POU5F1: variants seen among roughly 807,000 people sequenced by gnomAD.
The protein encoded by POU5F1 is POU domain, class 5, transcription factor 1.
Under a neutral mutation model 38.3 loss-of-function variants are expected in POU5F1, and 6 were observed. The ratio of observed to expected loss-of-function variants is 0.16; its 90% CI spans 0.09 to 0.31. The LOEUF is 0.31. Ranked by LOEUF, POU5F1 falls within the 10% of genes least tolerant of loss-of-function variation. POU5F1 has a pLI of 1.00. For synonymous variants in POU5F1, 147 were observed against 194.9 expected (o/e 0.75, Z 2.05); for missense variants, 286 against 462.6 (o/e 0.62, Z 3.50).
intron 1 of POU5F1, chr6:31,166,470 C>T (rs1021109193): frequency 7.9e-6 from 10 of 1,266,310 alleles, no homozygotes; most frequent in Non-Finnish European, 1.0e-5. Flanking sequence ...ACCAGCATGG[C>T]CAACATGGTG....
chr6:31,165,325 G>A lies in POU5F1; in HGVS notation c.658-39C>T, dbSNP rs1261670587. 3.1e-6 allele frequency: 5 copies of A among 1,598,582 alleles called. No individual in the cohort carries two copies. The highest frequency in any genetic ancestry group is 2.2e-5 in the South Asian group (2 of 88,950). ...AAGGGGGTGACAAGGGCAAGCTTTG[G>A]ACTTGCTGAGTAACAGCATCACAGG... On this transcript the variant is annotated intron_variant, in intron 3 of 4. Coordinates refer to ENST00000259915, the MANE Select transcript of POU5F1 (RefSeq NM_002701.6). This position sits in a 1 kb window ranked among gnomAD's most constrained non-coding sequence, Gnocchi z 6.5.
chr6:31,165,829 T>C lies in POU5F1; in HGVS notation c.526+98A>G. ...CATCTTCTCCCTCTCCCTACTCCTCTTCATGGGTGAGGGTAGTCTGCCCCT... is the reference window on the plus strand; with the variant it reads ...CATCTTCTCCCTCTCCCTACTCCTCCTCATGGGTGAGGGTAGTCTGCCCCT... On this transcript the variant is annotated intron_variant, in intron 2 of 4. Coordinates refer to ENST00000259915, the MANE Select transcript of POU5F1 (RefSeq NM_002701.6). This position sits in a 1 kb window ranked among gnomAD's most constrained non-coding sequence, Gnocchi z 6.5. 2 of 1,521,820 alleles carry C rather than the reference T, an allele frequency of 1.3e-6. No individual in the cohort carries two copies. The highest frequency in any genetic ancestry group is 1.2e-5 in the South Asian group (1 of 86,050). The allele number at this position is 1,521,820 out of a possible 1,614,324, so 94.3% of individuals were successfully genotyped here.
In POU5F1 at chr6:31,170,203, G is replaced by A. The variant is rs1777555906; in HGVS notation, c.405+13C>T. The A allele has an allele frequency of 8.1e-6, 13 of 1,612,854 alleles. No homozygotes were observed. In the East Asian group the frequency reaches 1.8e-4, roughly 22 times the overall value. ...CACCTCCCCACACCCCAACCCCGTCGAAGCTCACTTGCCTCCTCCGGGTTT... is the reference window on the plus strand; with the variant it reads ...CACCTCCCCACACCCCAACCCCGTCAAAGCTCACTTGCCTCCTCCGGGTTT... On this transcript the variant is annotated intron_variant, in intron 1 of 4. Coordinates refer to ENST00000259915, the MANE Select transcript of POU5F1 (RefSeq NM_002701.6).
Position 31,167,804 on chromosome 6 carries a change from ATTGT to A in POU5F1, c.406-1761_406-1758del, listed in dbSNP as rs368867930. On this transcript the variant is annotated intron_variant, in intron 1 of 4. Coordinates refer to ENST00000259915, the MANE Select transcript of POU5F1 (RefSeq NM_002701.6). Reference sequence around the variant, plus strand: ...GACACTTTTAAAGACAGAGAAGGTGATTGTTTGAGCAAAGGACAAGAGTCTAATG... The same window carrying A: ...GACACTTTTAAAGACAGAGAAGGTGATTGAGCAAAGGACAAGAGTCTAATG... Among the ~76,000 whole-genome samples the A allele has an allele frequency of 3.5e-3, 531 of 152,272 alleles. 5 individuals carry two copies. The highest frequency in any genetic ancestry group is 0.027 in the Middle Eastern group (8 of 294).
In POU5F1 at chr6:31,170,479, C is replaced by A; in HGVS notation, c.142G>T (p.Gly48Trp). Residue 48 changes from glycine (G) to tryptophan (W), a missense_variant, in exon 1 of 5, where the codon GGG becomes TGG. Coordinates refer to ENST00000259915, the MANE Select transcript of POU5F1 (RefSeq NM_002701.6). ...FQGPPGGPGI[G>W]PGVGPGSEVW... ...TCAGAGCCTGGCCCAACCCCCGGCC[C>A]GATTCCTGGCCCTCCAGGAGGGCCT... 1 of 1,603,434 alleles carries A rather than the reference C, an allele frequency of 6.2e-7. No homozygotes were observed. The highest frequency in any genetic ancestry group is 1.3e-5 in the African/African-American group (1 of 74,724).
In POU5F1 at chr6:31,164,363, G is replaced by A. The variant is rs13409; in HGVS notation, c.*238C>T. ...AAGTGTGTCTATCTACTGTGTCCCA[G>A]GCTTCTTTATTTAAGAAAAAAGTGA... is the stretch of plus-strand genomic sequence containing the variant. On this transcript the variant is annotated 3_prime_UTR_variant, in exon 5 of 5. Coordinates refer to ENST00000259915, the MANE Select transcript of POU5F1 (RefSeq NM_002701.6). The A allele has an allele frequency of 0.43, 499,956 of 1,151,312 alleles. 110,166 individuals carry two copies. Among genetic ancestry groups the A allele is most frequent in the African/African-American group, 0.48 (30,417 of 63,512 alleles). 71.3% of individuals were successfully genotyped at this position (1,151,312 alleles called of 1,614,324 possible). A position where few individuals can be genotyped will look rare whatever the true frequency, so the allele number is the denominator to read the frequency against.
chr6:31,170,012 G>A, intron 1 of POU5F1: 1 of 789,348 alleles, frequency 1.3e-6, no homozygotes, highest in Non-Finnish European at 2.0e-6. Context: ...TTGTCTCTTC[G>A]AAATCCAGCT....
In POU5F1 at chr6:31,165,517, T is replaced by C; in HGVS notation, c.657+54A>G. On this transcript the variant is annotated intron_variant, in intron 3 of 4. Coordinates refer to ENST00000259915, the MANE Select transcript of POU5F1 (RefSeq NM_002701.6). This position sits in a 1 kb window ranked among gnomAD's most constrained non-coding sequence, Gnocchi z 6.5. ...AGCTACGAGCCAGTGATGGAAGCAA[T>C]GGAAATTAGGCCAAGAAAGGGAAGG... is the stretch of plus-strand genomic sequence containing the variant. The C allele has an allele frequency of 3.1e-6, 5 of 1,610,924 alleles. No homozygotes were observed. The South Asian group carries it at 4.4e-5, about 14-fold the overall frequency.
rs1328995353 is a variant in POU5F1, at chr6:31,165,706, G to A, written c.527-5C>T. 1.9e-6 allele frequency: 3 copies of A among 1,608,838 alleles called. No individual in the cohort carries two copies. The South Asian group carries it at 3.3e-5, about 18-fold the overall frequency. ...TCGTTTGGCTGAATACCTTCCCTGG[G>A]GGAGGCCAGTCAAAAGAGAAGCAAA... On this transcript the variant is annotated splice_polypyrimidine_tract_variant and splice_region_variant and intron_variant, in intron 2 of 4. Coordinates refer to ENST00000259915, the MANE Select transcript of POU5F1 (RefSeq NM_002701.6). The surrounding 1 kb of genome is among the most constrained non-coding windows in gnomAD (Gnocchi z 6.5).
rs187046732 is a variant in POU5F1 at position 31,165,744 on chromosome 6, G to A, written c.527-43C>T. The A allele has an allele frequency of 3.1e-5, 49 of 1,584,514 alleles. No homozygotes were observed. The African/African-American group carries it at 5.4e-4, about 17-fold the overall frequency. On this transcript the variant is annotated intron_variant, in intron 2 of 4. Coordinates refer to ENST00000259915, the MANE Select transcript of POU5F1 (RefSeq NM_002701.6). This position sits in a 1 kb window ranked among gnomAD's most constrained non-coding sequence, Gnocchi z 6.5. Reference sequence around the variant, plus strand: ...AAAGAGAAGCAAAGTGAGGGAGCACGCAGGGCCCTTGTGACCCTGAGATCC... The same window carrying A: ...AAAGAGAAGCAAAGTGAGGGAGCACACAGGGCCCTTGTGACCCTGAGATCC...
At chr6:31,166,912 A>C in intron 1 of POU5F1, 1 of 1,296,194 alleles carries the variant, frequency 7.7e-7, no homozygotes, top group South Asian at 1.3e-5. Context: ...AACAGGTGTC[A>C]TAAGAATGGA....
At chr6:31,168,806 G>A (rs537263994) in intron 1 of POU5F1, among the ~76,000 whole-genome samples, 1 of 152,340 alleles carries the variant, frequency 6.6e-6, no homozygotes, top group East Asian at 1.9e-4. Flanking sequence ...TTTAAGCCTT[G>A]AGGGTGGGTG....
rs1377345590 is a variant in POU5F1 at position 31,166,479 on chromosome 6, T to C, written c.406-432A>G. The C allele has an allele frequency of 2.4e-6, 3 of 1,229,616 alleles. No homozygotes were observed. In the Admixed American group the frequency reaches 8.2e-5, roughly 34 times the overall value. The allele number at this position is 1,229,616 out of a possible 1,614,324, so 76.2% of individuals were successfully genotyped here. ...TTCAAGACCAGCATGGCCAACATGG[T>C]GAAACCCCGTCTCTACTAAAAACAC... On this transcript the variant is annotated intron_variant, in intron 1 of 4. Coordinates refer to ENST00000259915, the MANE Select transcript of POU5F1 (RefSeq NM_002701.6).
chr6:31,167,095 T>G (rs935889637), intron 1 of POU5F1: 11 of 501,410 alleles, frequency 2.2e-5, no homozygotes, highest in Non-Finnish European at 4.2e-5. Context: ...ACATCCAGCA[T>G]GACAGAAGTG....
chr6:31,169,546 T>C (rs1482977292), intron 1 of POU5F1, among the ~76,000 whole-genome samples: 2 of 152,126 alleles, frequency 1.3e-5, no homozygotes, highest in Non-Finnish European at 2.9e-5. Context: ...TCCAGCTTTC[T>C]ACAAGGGGTG....
chr6:31,166,487 C>T (rs1777265399), intron 1 of POU5F1: 12 of 1,201,120 alleles, frequency 1.0e-5, no homozygotes, highest in Non-Finnish European at 1.3e-5. Context: ...GGTGAAACCC[C>T]GTCTCTACTA....
rs1350236456 is a variant in POU5F1 at position 31,165,752 on chromosome 6, C to T, written c.527-51G>A. ...GCAAAGTGAGGGAGCACGCAGGGCC[C>T]TTGTGACCCTGAGATCCAAGCTTAC... On this transcript the variant is annotated intron_variant, in intron 2 of 4. Coordinates refer to ENST00000259915, the MANE Select transcript of POU5F1 (RefSeq NM_002701.6). The surrounding 1 kb of genome is among the most constrained non-coding windows in gnomAD (Gnocchi z 6.5). 6.3e-7 allele frequency: 1 copy of T among 1,578,516 alleles called. No homozygotes were observed. Among genetic ancestry groups the T allele is most frequent in the Non-Finnish European group, 8.6e-7 (1 of 1,161,028 alleles).
At position 31,170,300 on chromosome 6, in the gene POU5F1, G is replaced by A. The variant is rs187901814; in HGVS notation, c.321C>T (p.Ser107=). ...GEAGVGVESN[S]DGASPEPCTV... Reference sequence around the variant, plus strand: ...TGCAGGGCTCCGGGGAGGCCCCATCGGAGTTGCTCTCCACCCCGACTCCTG... The same window carrying A: ...TGCAGGGCTCCGGGGAGGCCCCATCAGAGTTGCTCTCCACCCCGACTCCTG... The change falls in exon 1 of 5, where the codon TCC becomes TCT. Residue 107 remains serine, a synonymous_variant. Transcript: ENST00000259915. 1.0e-4 allele frequency: 167 copies of A among 1,612,810 alleles called. No homozygotes were observed. In the East Asian group the frequency reaches 3.3e-3, roughly 31 times the overall value.
At position 31,165,888 on chromosome 6, in the gene POU5F1, G is replaced by C. The variant is rs1777195943; in HGVS notation, c.526+39C>G. ...CCACTAGGTTCAGGGATACTCCTTA[G>C]AGGGGAGATGCGGTCAGAATCTGCA... On this transcript the variant is annotated intron_variant, in intron 2 of 4. Transcript: ENST00000259915. This position sits in a 1 kb window ranked among gnomAD's most constrained non-coding sequence, Gnocchi z 6.5. 1 of 1,612,896 alleles carries C rather than the reference G, an allele frequency of 6.2e-7. No homozygotes were observed. The highest frequency in any genetic ancestry group is 8.5e-7 in the Non-Finnish European group (1 of 1,179,362).
Sources: allele counts gnomAD v4.1 joint callset (sites outside exome capture counted in the v4.1 genomes callset), GRCh38; gene constraint gnomAD v4.1.1; non-coding constraint Gnocchi (gnomAD v3.1); transcripts MANE v1.5; gene names NCBI Gene and HGNC (gene_info 2026-07-23, HGNC 2026-07-21).